Variants in CCDC102B observed in about 807,000 individuals in gnomAD.
CCDC102B encodes coiled-coil domain containing 102B.
In CCDC102B, 75 loss-of-function variants were observed where a neutral mutation model predicts 57.4. The observed-to-expected ratio is 1.31, with a 90% CI of 1.08 to 1.58. The LOEUF (loss-of-function observed/expected upper bound fraction) is 1.58, where lower values mean the gene tolerates loss of function less well. CCDC102B is among the 40% of genes most tolerant of loss of function. The pLI, the probability that CCDC102B is intolerant of heterozygous loss-of-function variation, is 0.00. For synonymous variants in CCDC102B, 206 were observed against 201.9 expected (o/e 1.02, Z -0.17); for missense variants, 636 against 582.6 (o/e 1.09, Z -0.94).
chr18:68,851,675 G>A (rs562063951), intron 4 of CCDC102B, among the ~76,000 whole-genome samples: 1 of 152,090 alleles, frequency 6.6e-6, no homozygotes, highest in Non-Finnish European at 1.5e-5. Flanking sequence ...AAAAAGAGAG[G>A]TTAAGTTAAG....
chr18:68,936,034 A>G (rs2049227072), intron 6 of CCDC102B, among the ~76,000 whole-genome samples: 2 of 151,982 alleles, frequency 1.3e-5, no homozygotes, highest in South Asian at 2.1e-4. Flanking sequence ...ACATGATGCT[A>G]CAAGTGGAAA....
intron 7 of CCDC102B, among the ~76,000 whole-genome samples, chr18:69,039,356 C>A (rs2052373616): frequency 6.6e-6 from 1 of 151,888 alleles, no homozygotes; most frequent in South Asian, 2.1e-4. Flanking sequence ...GAATATTATT[C>A]TAATGCAGAT....
At chr18:69,030,033 T>G (rs1027619291) in intron 7 of CCDC102B, among the ~76,000 whole-genome samples, 2 of 151,968 alleles carry the variant, frequency 1.3e-5, no homozygotes, top group Non-Finnish European at 2.9e-5. Flanking sequence ...CTTTATTCTG[T>G]TTATTATTTA....
Position 68,915,071 on chromosome 18 carries a change from C to T in CCDC102B, c.1263+17643C>T, listed in dbSNP as rs2041019971. 2.6e-5 allele frequency among the ~76,000 whole-genome samples: 4 copies of T among 152,048 alleles called. No individual in the cohort carries two copies. In the South Asian group the frequency reaches 8.3e-4, roughly 32 times the overall value. On this transcript the variant is annotated intron_variant, in intron 6 of 7. Transcript: ENST00000360242. ...ATAAATATATTTTGTTATTGGTAAT[C>T]TTAAGTGATGTATTTTTAAGGCTAT...
intron 6 of CCDC102B, among the ~76,000 whole-genome samples, chr18:68,923,660 G>A (rs1414757001): frequency 1.3e-5 from 2 of 152,024 alleles, no homozygotes; most frequent in East Asian, 1.9e-4. Context: ...GTGAAGAAAA[G>A]CATTGTTTGA....
At chr18:68,967,648 G>T (rs1437421531) in intron 6 of CCDC102B, among the ~76,000 whole-genome samples, 2 of 152,074 alleles carry the variant, frequency 1.3e-5, no homozygotes, top group African/African-American at 4.8e-5. Flanking sequence ...CATATCATAT[G>T]TTGAAAAGAT....
intron 1 of CCDC102B, among the ~76,000 whole-genome samples, chr18:68,807,416 C>T (rs1407377179): frequency 6.6e-6 from 1 of 151,652 alleles, no homozygotes; most frequent in Non-Finnish European, 1.5e-5. Flanking sequence ...TTAAGAAAAA[C>T]AAGGAAAAAA....
At chr18:68,758,886 T>A (rs1599418647) in intron 2 of CCDC102B, among the ~76,000 whole-genome samples, 1 of 141,022 alleles carries the variant, frequency 7.1e-6, no homozygotes. Context: ...ACTTAACAAA[T>A]AAAAATACAA....
intron 2 of CCDC102B, among the ~76,000 whole-genome samples, chr18:68,762,925 G>A (rs142729186): frequency 2.0e-5 from 3 of 152,102 alleles, no homozygotes; most frequent in East Asian, 3.9e-4. Flanking sequence ...GAATGTATCC[G>A]CTACAGATAA....
At chr18:68,823,745 C>T (rs1438456106) in intron 1 of CCDC102B, among the ~76,000 whole-genome samples, 1 of 152,076 alleles carries the variant, frequency 6.6e-6, no homozygotes, top group Non-Finnish European at 1.5e-5. Flanking sequence ...TAATAATGGC[C>T]ATTCTAACTT....
chr18:68,831,507 A>G lies in CCDC102B; in HGVS notation c.-15-5242A>G, dbSNP rs545450732. Reference sequence around the variant, plus strand: ...GTGTTTATGCTCATTTTATGTTACAATGCTTTTGGAAAGTAAAATATCTAA... The same window carrying G: ...GTGTTTATGCTCATTTTATGTTACAGTGCTTTTGGAAAGTAAAATATCTAA... On this transcript the variant is annotated intron_variant, in intron 1 of 7. Transcript: ENST00000360242. Among the ~76,000 whole-genome samples the G allele has an allele frequency of 6.6e-5, 10 of 152,294 alleles. No homozygotes were observed. In the South Asian group the frequency reaches 1.4e-3, roughly 22 times the overall value.
At chr18:68,829,513 T>C (rs2037057118) in intron 1 of CCDC102B, among the ~76,000 whole-genome samples, 1 of 151,996 alleles carries the variant, frequency 6.6e-6, no homozygotes, top group Non-Finnish European at 1.5e-5. Context: ...TATGTACTTT[T>C]TGAAAATAAA....
chr18:68,836,130 G>A (rs1254904387), intron 1 of CCDC102B, among the ~76,000 whole-genome samples: 1 of 152,188 alleles, frequency 6.6e-6, no homozygotes, highest in African/African-American at 2.4e-5. Flanking sequence ...GTATTTCGTA[G>A]TGGACAATGT....
At chr18:68,715,802 T>C (rs1468782633) in intron 1 of CCDC102B, among the ~76,000 whole-genome samples, 1 of 152,208 alleles carries the variant, frequency 6.6e-6, no homozygotes, top group Non-Finnish European at 1.5e-5. Context: ...ATAAGACGGT[T>C]ACTGCAGCAA....
chr18:69,019,552 A>C (rs2051767822), intron 7 of CCDC102B, among the ~76,000 whole-genome samples: 1 of 152,060 alleles, frequency 6.6e-6, no homozygotes, highest in East Asian at 1.9e-4. Flanking sequence ...CTAGAAACAC[A>C]ACTGGATTTT....
chr18:68,798,182 G>A lies in CCDC102B; in HGVS notation c.-16+1G>A, dbSNP rs1329699360. 6.6e-6 allele frequency: 1 copy of A among 152,150 alleles called. No individual in the cohort carries two copies. Among genetic ancestry groups the A allele is most frequent in the African/African-American group, 2.4e-5 (1 of 41,434 alleles). The allele number at this position is 152,150 out of a possible 1,614,324, so 9.4% of individuals were successfully genotyped here. A position where few individuals can be genotyped will look rare whatever the true frequency, so the allele number is the denominator to read the frequency against. On this transcript the variant is annotated splice_donor_variant, in intron 1 of 7. Coordinates refer to ENST00000360242, the MANE Select transcript of CCDC102B (RefSeq NM_024781.3). LOFTEE classifies it low-confidence loss of function (5UTR_SPLICE). ...TGGAGCAGCCCAGCAAGCCCAGAGG[G>A]TAAGAGTGTTTAATAACCTTGTGGT...
intron 4 of CCDC102B, among the ~76,000 whole-genome samples, chr18:68,857,727 C>T (rs573355225): frequency 6.6e-6 from 1 of 152,044 alleles, no homozygotes; most frequent in Admixed American, 6.6e-5. Flanking sequence ...TACTCAACAT[C>T]TCATGGCCAA....
intron 6 of CCDC102B, among the ~76,000 whole-genome samples, chr18:68,989,733 G>A (rs915860681): frequency 6.6e-6 from 1 of 152,314 alleles, no homozygotes; most frequent in East Asian, 1.9e-4. Context: ...CTGGAAGAGA[G>A]GAAAGCGGAA....
rs551793832 is a variant in CCDC102B at position 68,879,777 on chromosome 18, T to C, written c.1053+4992T>C. Among the ~76,000 whole-genome samples the C allele has an allele frequency of 6.4e-4, 98 of 152,124 alleles. 1 individual carries two copies. The South Asian group carries it at 0.011, about 16-fold the overall frequency. On this transcript the variant is annotated intron_variant, in intron 5 of 7. Coordinates refer to ENST00000360242, the MANE Select transcript of CCDC102B (RefSeq NM_024781.3). ...TAGCTAAATACAGAGTGTCGATTGG[T>C]GCATTCACAAACCCTGAGCTAGACA...
Sources: gnomAD v4.1 joint callset for allele counts (sites outside exome capture counted in the v4.1 genomes callset) on GRCh38, gnomAD v4.1.1 for gene constraint, MANE v1.5 for transcripts, NCBI Gene and HGNC (gene_info 2026-07-23, HGNC 2026-07-21) for gene names.